CACUL1: variants seen among roughly 807,000 people sequenced by gnomAD.
CACUL1 encodes the protein CDK2-associated and cullin domain-containing protein 1.
In CACUL1, 13 loss-of-function variants were observed where a neutral mutation model predicts 45.2. The ratio of observed to expected loss-of-function variants is 0.29; its 90% CI spans 0.19 to 0.46. The LOEUF (loss-of-function observed/expected upper bound fraction) is 0.46. CACUL1 is among the 20% of genes least tolerant of loss of function. The probability of loss-of-function intolerance (pLI) is 1.00; values close to 1 mark genes in which losing one functional copy is unlikely to be tolerated. For missense variants in CACUL1, 421 were observed against 471.4 expected, an observed-to-expected ratio of 0.89 and a Z score of 0.99; for synonymous variants, 197 against 174.2, an observed-to-expected ratio of 1.13 and a Z score of -1.03.
chr10:118,703,638 C>T (rs1343846272), intron 4 of CACUL1, among the ~76,000 whole-genome samples: 4 of 152,038 alleles, frequency 2.6e-5, no homozygotes, highest in Non-Finnish European at 4.4e-5. Context: ...AACAATAATG[C>T]GAAATAGTCT....
At chr10:118,699,568 T>A (rs1029238303) in intron 5 of CACUL1, among the ~76,000 whole-genome samples, 5 of 152,164 alleles carry the variant, frequency 3.3e-5, no homozygotes, top group African/African-American at 1.2e-4. Context: ...AAATGCTCTA[T>A]CTTGTCATGA....
intron 6 of CACUL1, 38 bp from the exon 7 acceptor site, chr10:118,691,441 T>C: frequency 1.3e-6 from 2 of 1,559,742 alleles, no homozygotes; most frequent in Non-Finnish European, 1.7e-6. Context: ...GGAAATCATA[T>C]AAACACACCA....
In CACUL1 at chr10:118,726,203, G is replaced by A. The variant is rs1014534712; in HGVS notation, c.597+3092C>T. The A allele has an allele frequency of 1.3e-5, 9 of 675,074 alleles. No individual in the cohort carries two copies. In the Admixed American group the frequency reaches 2.3e-4, roughly 17 times the overall value. 41.8% of individuals were successfully genotyped at this position (675,074 alleles called of 1,614,324 possible). On this transcript the variant is annotated intron_variant, in intron 3 of 8. Transcript: ENST00000369151. The stretch of plus-strand genomic sequence containing the variant: ...CTCTTGATCTGTCCCCATGAAAACT[G>A]CCTTAAGGTCTCTATAAAATAAAGA...
At chr10:118,733,710 A>T (rs1274674052) in intron 1 of CACUL1, among the ~76,000 whole-genome samples, 1 of 152,150 alleles carries the variant, frequency 6.6e-6, no homozygotes, top group Non-Finnish European at 1.5e-5. Context: ...AAAAGCTTAC[A>T]CTCACCAAAA....
intron 5 of CACUL1, among the ~76,000 whole-genome samples, chr10:118,696,852 C>G (rs1845328382): frequency 6.6e-6 from 1 of 152,178 alleles, no homozygotes; most frequent in African/African-American, 2.4e-5. Flanking sequence ...TCTTCCTAAC[C>G]TTTTCACCAT....
intron 5 of CACUL1, among the ~76,000 whole-genome samples, chr10:118,698,513 C>A (rs973093057): frequency 2.0e-5 from 3 of 152,122 alleles, no homozygotes; most frequent in African/African-American, 7.2e-5. Context: ...CCTCGCCCAG[C>A]AGAATACAGC....
chr10:118,729,482 A>G lies in CACUL1; in HGVS notation c.495-85T>C, dbSNP rs1022159255. 11 of 866,134 alleles carry G rather than the reference A, an allele frequency of 1.3e-5. No individual in the cohort carries two copies. The African/African-American group carries it at 1.8e-4, about 15-fold the overall frequency. The allele number at this position is 866,134 out of a possible 1,614,324, so 53.7% of individuals were successfully genotyped here. A position where few individuals can be genotyped will look rare whatever the true frequency, so the allele number is the denominator to read the frequency against. Reference sequence around the variant, plus strand: ...CAAGGTTAAAGCACACTTTTGATATATAACCACTGATCCAATAATTCATAC... The same window carrying G: ...CAAGGTTAAAGCACACTTTTGATATGTAACCACTGATCCAATAATTCATAC... On this transcript the variant is annotated intron_variant, in intron 2 of 8. Coordinates refer to ENST00000369151, the MANE Select transcript of CACUL1 (RefSeq NM_153810.5).
At position 118,690,480 on chromosome 10, in the gene CACUL1, C is replaced by T. The variant is rs991583860; in HGVS notation, c.1025+785G>A. Among the ~76,000 whole-genome samples the T allele has an allele frequency of 1.8e-4, 27 of 152,056 alleles. No homozygotes were observed. The East Asian group carries it at 2.5e-3, about 14-fold the overall frequency. ...TGCAAGATTTTTTGGGATATGACCA[C>T]GTTAATTAAGCGCAAAAACTTTAGA... On this transcript the variant is annotated intron_variant, in intron 7 of 8. Transcript: ENST00000369151.
intron 5 of CACUL1, among the ~76,000 whole-genome samples, chr10:118,699,268 T>C (rs569466633): frequency 4.5e-4 from 68 of 152,336 alleles, no homozygotes; most frequent in African/African-American, 1.6e-3. Context: ...TCTGATAAAC[T>C]CAGTTTTTTC....
At chr10:118,734,586 G>A (rs1447559897) in intron 1 of CACUL1, among the ~76,000 whole-genome samples, 6 of 152,246 alleles carry the variant, frequency 3.9e-5, no homozygotes, top group Admixed American at 1.3e-4. Context: ...CAGGAGCCAC[G>A]CTAATAACAT....
At position 118,679,981 on chromosome 10, in the gene CACUL1, G is replaced by T. The variant is rs1302775067; in HGVS notation, c.*6147C>A. 6.6e-6 allele frequency: 1 copy of T among 151,888 alleles called. No homozygotes were observed. The highest frequency in any genetic ancestry group is 2.4e-5 in the African/African-American group (1 of 41,316). The allele number at this position is 151,888 out of a possible 1,614,324, so 9.4% of individuals were successfully genotyped here. A position where few individuals can be genotyped will look rare whatever the true frequency, so the allele number is the denominator to read the frequency against. On this transcript the variant is annotated 3_prime_UTR_variant, in exon 9 of 9. Coordinates refer to ENST00000369151, the MANE Select transcript of CACUL1 (RefSeq NM_153810.5). ...TTTGAGGTATACTATTAGACATGTA[G>T]GTACATTACTAGAAAGTTTTGAATT...
At chr10:118,746,723 C>T (rs994769718) in intron 1 of CACUL1, among the ~76,000 whole-genome samples, 2 of 151,992 alleles carry the variant, frequency 1.3e-5, no homozygotes, top group African/African-American at 4.8e-5. Flanking sequence ...AAATTTATAG[C>T]GAATTCTTTA....
Position 118,731,082 on chromosome 10 carries a change from CACT to C in CACUL1, c.368-675_368-673del, listed in dbSNP as rs760171757. Among the ~76,000 whole-genome samples, 14 of 152,292 alleles carry C rather than the reference CACT, an allele frequency of 9.2e-5. 1 individual carries two copies. The South Asian group carries it at 1.0e-3, about 11-fold the overall frequency. On this transcript the variant is annotated intron_variant, in intron 1 of 8. Transcript: ENST00000369151. ...TCCTACAGACAGGCTCTTACTCCCA[CACT>C]ACAGGTTTCCACAAAGCATTTGTAC... is the stretch of plus-strand genomic sequence containing the variant.
At chr10:118,734,421 T>C (rs1845723193) in intron 1 of CACUL1, among the ~76,000 whole-genome samples, 2 of 152,232 alleles carry the variant, frequency 1.3e-5, no homozygotes, top group Admixed American at 6.5e-5. Flanking sequence ...TAATGAGCAA[T>C]ATCAGCAAGT....
At chr10:118,739,078 C>A (rs1845767728) in intron 1 of CACUL1, among the ~76,000 whole-genome samples, 1 of 151,600 alleles carries the variant, frequency 6.6e-6, no homozygotes, top group Admixed American at 6.6e-5. Context: ...CACCTGTATT[C>A]CCAGCTACTC....
intron 3 of CACUL1, among the ~76,000 whole-genome samples, chr10:118,709,754 A>G (rs1042459429): frequency 1.3e-5 from 2 of 152,224 alleles, no homozygotes; most frequent in Non-Finnish European, 2.9e-5. Flanking sequence ...ATATTTTGAT[A>G]CTATTTTCAA....
In CACUL1 at chr10:118,754,604, C is replaced by G. The variant is rs371225756; in HGVS notation, c.159G>C (p.Pro53=). The G allele has an allele frequency of 2.7e-5, 44 of 1,608,366 alleles. No homozygotes were observed. In the African/African-American group the frequency reaches 3.4e-4, roughly 12 times the overall value. Residue 53 remains proline (P), a synonymous_variant, in exon 1 of 9, where the codon CCG becomes CCC. Coordinates refer to ENST00000369151, the MANE Select transcript of CACUL1 (RefSeq NM_153810.5). ...SSIPAPAREP[P]GGQLLAVPAV... The stretch of plus-strand genomic sequence containing the variant: ...CGGGCACCGCCAGCAGCTGCCCCCC[C>G]GGAGGCTCTCGGGCAGGGGCCGGGA...
At chr10:118,735,237 A>G (rs1337926613) in intron 1 of CACUL1, among the ~76,000 whole-genome samples, 1 of 152,268 alleles carries the variant, frequency 6.6e-6, no homozygotes, top group Non-Finnish European at 1.5e-5. Flanking sequence ...CACATAGGCT[A>G]AAGCAAACCA....
At chr10:118,702,577 CTTTTTTCT>C (rs1244969653) in intron 4 of CACUL1, among the ~76,000 whole-genome samples, 1 of 94,386 alleles carries the variant, frequency 1.1e-5, no homozygotes, top group Non-Finnish European at 2.2e-5. Context: ...CAAAGTTTTT[CTTTTTTCT>C]TTTTTTTTTT....
Sources: gnomAD v4.1 joint callset for allele counts (sites outside exome capture counted in the v4.1 genomes callset) on GRCh38, gnomAD v4.1.1 for gene constraint, MANE v1.5 for transcripts, NCBI Gene and HGNC (gene_info 2026-07-23, HGNC 2026-07-21) for gene names.